CRHR2: variants seen among roughly 807,000 people sequenced by gnomAD.
The protein encoded by CRHR2 is corticotropin-releasing hormone receptor 2.
CRHR2 carries 53 observed loss-of-function variants against 57.9 expected under a neutral mutation model. The observed-to-expected ratio is 0.92, with a 90% CI of 0.73 to 1.15. The LOEUF is 1.15. CRHR2 is among the 50% of genes most tolerant of loss of function. The pLI is 0.00. For synonymous variants in CRHR2, 213 were observed against 220.9 expected (o/e 0.96, Z 0.32); for missense variants, 532 against 542.6 (o/e 0.98, Z 0.19).
intron 2 of CRHR2, among the ~76,000 whole-genome samples, chr7:30,672,692 A>C (rs1207806419): frequency 6.6e-6 from 1 of 152,150 alleles, no homozygotes; most frequent in African/African-American, 2.4e-5. Flanking sequence ...CCAACCCCAC[A>C]TGGGGGAGGG....
rs143268708 is a variant in CRHR2 at position 30,679,225 on chromosome 7, G to A, written c.229+2690C>T. On this transcript the variant is annotated intron_variant, in intron 2 of 11. Coordinates refer to ENST00000471646, the MANE Select transcript of CRHR2 (RefSeq NM_001883.5). ...TAAGTCCTCCCTGATCCTCCAGGCCGGAGGTATGAGTCTTCTTTCCAAACC... is the reference window on the plus strand; with the variant it reads ...TAAGTCCTCCCTGATCCTCCAGGCCAGAGGTATGAGTCTTCTTTCCAAACC... Among the ~76,000 whole-genome samples the A allele has an allele frequency of 2.7e-3, 416 of 152,326 alleles. 4 individuals carry two copies. The highest frequency in any genetic ancestry group is 4.1e-3 in the African/African-American group (171 of 41,574).
intron 2 of CRHR2, among the ~76,000 whole-genome samples, chr7:30,677,166 C>CG (rs887957453): frequency 8.6e-5 from 13 of 151,386 alleles, no homozygotes; most frequent in African/African-American, 2.9e-4. Flanking sequence ...GAGATGGAGT[C>CG]GGGGGATGAA....
rs754402876 is a variant in CRHR2, at chr7:30,655,585, A to G, written c.1048T>C (p.Phe350Leu). The part of the protein sequence containing the change: ...FIYFNSFLQS[F>L]QGFFVSVFYC... ...CATCTGGTCACAGGCCCCACCTGGA[A>G]CGACTGCAGGAAGGAGTTGAAATAG... Residue 350 changes from phenylalanine to leucine, a missense_variant, in exon 10 of 12, where the codon TTC (phenylalanine) becomes CTC (leucine). By Grantham distance (22) the Phe-to-Leu change is conservative (BLOSUM62 0). Coordinates refer to ENST00000471646, the MANE Select transcript of CRHR2 (RefSeq NM_001883.5). 6.2e-7 allele frequency: 1 copy of G among 1,612,270 alleles called. No homozygotes were observed. The highest frequency in any genetic ancestry group is 1.1e-5 in the South Asian group (1 of 90,774).
intron 2 of CRHR2, among the ~76,000 whole-genome samples, chr7:30,668,454 G>A (rs550092308): frequency 6.6e-6 from 1 of 152,276 alleles, no homozygotes; most frequent in South Asian, 2.1e-4. Flanking sequence ...ATGGGCAGTT[G>A]TCTGTGAATT....
chr7:30,689,354 C>CATCCT, intron 1 of CRHR2: 1 of 1,272,656 alleles, frequency 7.9e-7, no homozygotes, highest in South Asian at 1.3e-5. Flanking sequence ...TGTCTGCCCC[C>CATCCT]ATCCTATCCT....
At chr7:30,696,673 G>A (rs997745501) in intron 1 of CRHR2, among the ~76,000 whole-genome samples, 4 of 152,082 alleles carry the variant, frequency 2.6e-5, no homozygotes, top group African/African-American at 9.7e-5. Context: ...GCAGTGAGCC[G>A]AGATTGTGCC....
At chr7:30,673,882 T>C (rs560420216) in intron 2 of CRHR2, among the ~76,000 whole-genome samples, 1 of 152,270 alleles carries the variant, frequency 6.6e-6, no homozygotes, top group African/African-American at 2.4e-5. Flanking sequence ...CAGACTGACG[T>C]AGAAGTGCTA....
chr7:30,653,428 C>G lies in CRHR2; in HGVS notation c.*32G>C. 6.2e-7 allele frequency: 1 copy of G among 1,607,798 alleles called. No individual in the cohort carries two copies. Among genetic ancestry groups the G allele is most frequent in the Non-Finnish European group, 8.5e-7 (1 of 1,177,086 alleles). ...CCCAGAGGAAGAAGGTGGAGGAGGA[C>G]AGGGGAGCTGTGCAGGTGGGCGACC... On this transcript the variant is annotated 3_prime_UTR_variant, in exon 12 of 12. Transcript: ENST00000471646. This position sits in a 1 kb window ranked among gnomAD's most constrained non-coding sequence, Gnocchi z 5.0.
intron 2 of CRHR2, among the ~76,000 whole-genome samples, chr7:30,674,540 C>T (rs575774735): frequency 3.7e-4 from 57 of 152,354 alleles, no homozygotes; most frequent in Non-Finnish European, 6.8e-4. Context: ...GGGAGAAAAG[C>T]AGTCAGTAGG....
At chr7:30,697,305 G>A (rs774556206) in intron 1 of CRHR2, among the ~76,000 whole-genome samples, 13 of 152,164 alleles carry the variant, frequency 8.5e-5, no homozygotes, top group African/African-American at 1.4e-4. Flanking sequence ...GGGGTGTCTC[G>A]CTGTCCAAAG....
At position 30,682,316 on chromosome 7, in the gene CRHR2, G is replaced by T; in HGVS notation, c.-36C>A. Reference sequence around the variant, plus strand: ...AGCCGCGTGCGGAGAGGGAGTGGGAGTGCGCGCCCGGCGTGACTGCGAGGG... The same window carrying T: ...AGCCGCGTGCGGAGAGGGAGTGGGATTGCGCGCCCGGCGTGACTGCGAGGG... On this transcript the variant is annotated 5_prime_UTR_variant, in exon 1 of 12. Coordinates refer to ENST00000471646, the MANE Select transcript of CRHR2 (RefSeq NM_001883.5). 3 of 1,515,652 alleles carry T rather than the reference G, an allele frequency of 2.0e-6. No individual in the cohort carries two copies. The highest frequency in any genetic ancestry group is 2.6e-6 in the Non-Finnish European group (3 of 1,137,252). 93.9% of individuals were successfully genotyped at this position (1,515,652 alleles called of 1,614,324 possible). A position where few individuals can be genotyped will look rare whatever the true frequency, so the allele number is the denominator to read the frequency against.
intron 1 of CRHR2, chr7:30,699,910 C>T (rs1308693797): frequency 1.3e-6 from 2 of 1,485,856 alleles, no homozygotes; most frequent in Non-Finnish European, 9.0e-7. Flanking sequence ...GCTCCTGGCG[C>T]CCCACCTCGT....
chr7:30,667,266 T>C lies in CRHR2; in HGVS notation c.277A>G (p.Ile93Val), dbSNP rs750095112. Residue 93 changes from isoleucine to valine, a missense_variant, in exon 3 of 12, where the codon ATC becomes GTC. Ile to Val is a conservative substitution (Grantham distance 29, BLOSUM62 3). Transcript: ENST00000471646. ...ATGGGCTCACACTGTGAGTAGTTGA[T>C]CTTTGAGGCCCACGTCCCATTCTCC... ...CLENGTWASK[I>V]NYSQCEPILD... The C allele has an allele frequency of 6.2e-7, 1 of 1,614,164 alleles. No homozygotes were observed. Among genetic ancestry groups the C allele is most frequent in the South Asian group, 1.1e-5 (1 of 91,086 alleles).
intron 10 of CRHR2, 84 bp from the exon 11 acceptor site, chr7:30,655,164 G>T (rs1445525699): frequency 4.9e-6 from 7 of 1,438,764 alleles, no homozygotes; most frequent in Non-Finnish European, 5.7e-6. Context: ...GGGACAAGAT[G>T]GTGGGGGGGG....
At chr7:30,686,564 T>C (rs770037117), upstream of CRHR2, 2 of 1,514,252 alleles carry the variant, frequency 1.3e-6, no homozygotes, top group South Asian at 2.5e-5. Context: ...ATCTCAGCAC[T>C]TGGGGAAGCC....
chr7:30,653,686 T>G lies in CRHR2; in HGVS notation c.1096-86A>C. 2.1e-6 allele frequency: 3 copies of G among 1,456,798 alleles called. No individual in the cohort carries two copies. Among genetic ancestry groups the G allele is most frequent in the Non-Finnish European group, 2.7e-6 (3 of 1,100,612 alleles). 90.2% of individuals were successfully genotyped at this position (1,456,798 alleles called of 1,614,324 possible). On this transcript the variant is annotated intron_variant, in intron 11 of 11. Coordinates refer to ENST00000471646, the MANE Select transcript of CRHR2 (RefSeq NM_001883.5). This position sits in a 1 kb window ranked among gnomAD's most constrained non-coding sequence, Gnocchi z 5.0. The stretch of plus-strand genomic sequence containing the variant: ...TCCCCTCCTCTGCTTTCTGCTCTCA[T>G]GGGTCGACTGCCACCCTCATGACAA...
chr7:30,658,808 G>T (rs994313466), intron 8 of CRHR2, among the ~76,000 whole-genome samples: 1 of 152,238 alleles, frequency 6.6e-6, no homozygotes, highest in African/African-American at 2.4e-5. Context: ...CAGGCTTCCT[G>T]CAAATTCAAC....
rs1360711535 is a variant in CRHR2, at chr7:30,656,311, GC to G, written c.832-300del. On this transcript the variant is annotated intron_variant, in intron 8 of 11. Transcript: ENST00000471646. This position sits in a 1 kb window ranked among gnomAD's most constrained non-coding sequence, Gnocchi z 4.4. ...GGGCATGCCCTCTGAGGCTGAGAAA[GC>G]CCCCAACCCTCTCCCCAGTATAGGG... Among the ~76,000 whole-genome samples the G allele has an allele frequency of 1.3e-5, 2 of 152,028 alleles. No homozygotes were observed. The highest frequency in any genetic ancestry group is 4.8e-5 in the African/African-American group (2 of 41,396).
upstream of CRHR2, chr7:30,686,435 A>G: frequency 6.5e-7 from 1 of 1,533,592 alleles, no homozygotes; most frequent in Non-Finnish European, 8.7e-7. Context: ...CTTCAGGCCA[A>G]GGCTCTCTTC....
Sources: allele counts gnomAD v4.1 joint callset (sites outside exome capture counted in the v4.1 genomes callset), GRCh38; gene constraint gnomAD v4.1.1; non-coding constraint Gnocchi (gnomAD v3.1); transcripts MANE v1.5; gene names NCBI Gene and HGNC (gene_info 2026-07-23, HGNC 2026-07-21).